The following MPP4 variants were observed in gnomAD, a reference collection of about 807,000 sequenced individuals.
MPP4 encodes the protein MAGUK p55 subfamily member 4.
Under a neutral mutation model 98.3 loss-of-function variants are expected in MPP4, and 91 were observed. The ratio of observed to expected loss-of-function variants is 0.93; its 90% confidence interval spans 0.78 to 1.10. MPP4 has a LOEUF of 1.10. MPP4 is among the 50% of genes least tolerant of loss of function. The probability of loss-of-function intolerance (pLI) is 0.00; values close to 1 mark genes in which losing one functional copy is unlikely to be tolerated. For synonymous variants in MPP4, 261 were observed against 271.8 expected (o/e 0.96, Z 0.39); for missense variants, 744 against 792.9 (o/e 0.94, Z 0.74).
At chr2:201,664,262 GC>G (rs1158253842) in intron 13 of MPP4, 161 bp from the exon 14 acceptor site, 1 of 1,482,862 alleles carries the variant, frequency 6.7e-7, no homozygotes, top group African/African-American at 1.4e-5. Flanking sequence ...TGTCTCTATG[GC>G]ATATATCAGC....
intron 10 of MPP4, among the ~76,000 whole-genome samples, chr2:201,677,487 A>G (rs557415779): frequency 1.2e-4 from 19 of 152,352 alleles, no homozygotes; most frequent in African/African-American, 4.3e-4. Flanking sequence ...TTCTAAAATC[A>G]GATATAATTT....
At position 201,645,025 on chromosome 2, in the gene MPP4, AAG is replaced by A; in HGVS notation, c.*183_*184del. 4.6e-6 allele frequency: 2 copies of A among 431,246 alleles called. No homozygotes were observed. Among genetic ancestry groups the A allele is most frequent in the Non-Finnish European group, 3.9e-6 (1 of 256,930 alleles). The allele number at this position is 431,246 out of a possible 1,614,324, so 26.7% of individuals were successfully genotyped here. On this transcript the variant is annotated 3_prime_UTR_variant, in exon 22 of 22. Transcript: ENST00000409474. ...CATATGAGGTAAAGGAAAAAAAATT[AAG>A]TTAAAATAGGTAACCACATAACCAT...
chr2:201,695,992 C>T (rs1211245361), intron 1 of MPP4, among the ~76,000 whole-genome samples: 1 of 152,244 alleles, frequency 6.6e-6, no homozygotes, highest in African/African-American at 2.4e-5. Flanking sequence ...TTGAGAACCA[C>T]TGTCTAGAAT....
At chr2:201,656,674 A>G (rs1170815905) in intron 16 of MPP4, among the ~76,000 whole-genome samples, 1 of 152,206 alleles carries the variant, frequency 6.6e-6, no homozygotes, top group Non-Finnish European at 1.5e-5. Context: ...AACATAAAAA[A>G]CAACAAAAAA....
chr2:201,679,019 A>C (rs1256729005), intron 10 of MPP4, among the ~76,000 whole-genome samples: 1 of 152,112 alleles, frequency 6.6e-6, no homozygotes, highest in African/African-American at 2.4e-5. Flanking sequence ...AGACCTCATC[A>C]GTACTGACAA....
intron 1 of MPP4, among the ~76,000 whole-genome samples, chr2:201,694,398 G>T (rs1022812419): frequency 6.6e-6 from 1 of 152,044 alleles, no homozygotes. Context: ...CTCCACTCAG[G>T]TGCCCCATTT....
intron 20 of MPP4, among the ~76,000 whole-genome samples, chr2:201,649,311 A>G (rs1227647857): frequency 2.6e-5 from 4 of 152,212 alleles, no homozygotes; most frequent in Non-Finnish European, 1.5e-5. Context: ...CTTTGTGATC[A>G]AGGTTAAAGC....
chr2:201,645,285 A>G lies in MPP4; in HGVS notation c.1839T>C (p.Ser613=), dbSNP rs1164470853. 3.1e-6 allele frequency: 5 copies of G among 1,614,002 alleles called. No homozygotes were observed. The highest frequency in any genetic ancestry group is 2.7e-5 in the African/African-American group (2 of 75,056). The part of the protein sequence containing the change: ...SLHDACAQLL[S]AIQKAQEEPQ... ...GCTCCTCCTGAGCCTTCTGTATGGC[A>G]GACAACAACTGGGCACATGCATCGT... Residue 613 remains serine (S), a synonymous_variant, in exon 22 of 22, where the codon TCT becomes TCC. Transcript: ENST00000409474.
At chr2:201,658,551 G>A in intron 15 of MPP4, 33 bp from the exon 16 acceptor site, 1 of 1,591,304 alleles carries the variant, frequency 6.3e-7, no homozygotes, top group Non-Finnish European at 8.6e-7. Context: ...AGCAGAATAT[G>A]TGAGAGCGAG....
intron 7 of MPP4, among the ~76,000 whole-genome samples, chr2:201,684,456 C>T (rs2105941887): frequency 6.6e-6 from 1 of 152,272 alleles, no homozygotes; most frequent in Admixed American, 6.5e-5. Flanking sequence ...CCTCAGTTTC[C>T]TCATCTATAC....
intron 13 of MPP4, 88 bp downstream of exon 13, chr2:201,666,246 C>T (rs1688170637): frequency 9.1e-7 from 1 of 1,102,064 alleles, no homozygotes; most frequent in Non-Finnish European, 1.3e-6. Context: ...AGGCCCATGG[C>T]CCCTTTGGAC....
chr2:201,666,152 C>T (rs1688168745), intron 13 of MPP4, 182 bp downstream of exon 13: 1 of 497,066 alleles, frequency 2.0e-6, no homozygotes. Flanking sequence ...AACCTGGAGA[C>T]ATTACCACAG....
chr2:201,657,524 T>G (rs1574604195), intron 16 of MPP4, among the ~76,000 whole-genome samples: 1 of 151,680 alleles, frequency 6.6e-6, no homozygotes, highest in East Asian at 1.9e-4. Flanking sequence ...CACTACAGGA[T>G]TCATTCTAGA....
chr2:201,681,800 T>C (rs1373772114), intron 8 of MPP4, among the ~76,000 whole-genome samples: 1 of 151,842 alleles, frequency 6.6e-6, no homozygotes, highest in Non-Finnish European at 1.5e-5. Flanking sequence ...AAAGCCACAC[T>C]GAAGTGGCCT....
In MPP4 at chr2:201,681,009, T is replaced by C. The variant is rs376814296; in HGVS notation, c.758A>G (p.Tyr253Cys). ...GATGTCGGGATCCTCCTGGGGCCAG[T>C]ACTCAGTCATGGCACGGACGTACAC... ...QMVYVRAMTE[Y>C]WPQEDPDIPC... Residue 253 changes from tyrosine to cysteine, a missense_variant, in exon 10 of 22, where the codon TAC becomes TGC. Tyr to Cys is a radical substitution (Grantham distance 194). Transcript: ENST00000409474. 1.1e-5 allele frequency: 17 copies of C among 1,613,610 alleles called. No individual in the cohort carries two copies. Among genetic ancestry groups the C allele is most frequent in the African/African-American group, 2.7e-5 (2 of 74,848 alleles).
chr2:201,679,835 A>G (rs1688618915), intron 10 of MPP4, among the ~76,000 whole-genome samples: 1 of 152,138 alleles, frequency 6.6e-6, no homozygotes, highest in South Asian at 2.1e-4. Context: ...TCCTATGCTC[A>G]CTGTCATCCA....
At chr2:201,682,793 C>T in intron 8 of MPP4, 38 bp downstream of exon 8, 1 of 1,578,986 alleles carries the variant, frequency 6.3e-7, no homozygotes, top group Admixed American at 1.7e-5. Flanking sequence ...CTTGGCATTT[C>T]TCCAAGTCAT....
chr2:201,664,395 G>A (rs2105923326), intron 13 of MPP4: 1 of 1,311,154 alleles, frequency 7.6e-7, no homozygotes, highest in Non-Finnish European at 1.0e-6. Flanking sequence ...GCAGCTCAGA[G>A]GGAAGGGGAA....
chr2:201,652,897 CT>C (rs1687754254), intron 18 of MPP4, among the ~76,000 whole-genome samples: 1 of 152,196 alleles, frequency 6.6e-6, no homozygotes, highest in African/African-American at 2.4e-5. Flanking sequence ...CTGCTATTGG[CT>C]TTCTTTAGAT....
Sources: allele counts gnomAD v4.1 joint callset (sites outside exome capture counted in the v4.1 genomes callset), GRCh38; gene constraint gnomAD v4.1.1; transcripts MANE v1.5; gene names NCBI Gene and HGNC (gene_info 2026-07-23, HGNC 2026-07-21).